The following PRKAG3 variants were observed in gnomAD, a reference collection of about 807,000 sequenced individuals.
PRKAG3 encodes the protein protein kinase AMP-activated non-catalytic subunit gamma 3, also known as 5'-AMP-activated protein kinase subunit gamma-3.
In PRKAG3, 39 loss-of-function variants were observed where a neutral mutation model predicts 56.5. The ratio of observed to expected loss-of-function variants is 0.69; its 90% CI spans 0.53 to 0.90. The LOEUF (loss-of-function observed/expected upper bound fraction) is 0.90. PRKAG3 is among the 40% of genes least tolerant of loss of function. The probability of loss-of-function intolerance (pLI) is 0.00; values close to 1 mark genes in which losing one functional copy is unlikely to be tolerated. For missense variants in PRKAG3, 628 were observed against 627.5 expected, an observed-to-expected ratio of 1.00 and a Z score of -0.01; for synonymous variants, 243 against 250.1, an observed-to-expected ratio of 0.97 and a Z score of 0.27.
chr2:218,822,758 G>A (rs1366041299), downstream of PRKAG3: 19 of 398,258 alleles, frequency 4.8e-5, no homozygotes, highest in Non-Finnish European at 5.8e-5. Context: ...GAGAGTAGGA[G>A]GGCAGTGGCG....
rs914944065 is a variant in PRKAG3, at chr2:218,827,754, A to G, written c.820+79T>C. ...GTCCCTCCCCTGTTCACTCCAGGACATCCCCACTGCCCATCCTCCACCTTA... is the reference window on the plus strand; with the variant it reads ...GTCCCTCCCCTGTTCACTCCAGGACGTCCCCACTGCCCATCCTCCACCTTA... On this transcript the variant is annotated intron_variant, in intron 7 of 12. Transcript: ENST00000529249. This position sits in a 1 kb window ranked among gnomAD's most constrained non-coding sequence, Gnocchi z 5.3. The G allele has an allele frequency of 2.6e-6, 4 of 1,567,840 alleles. No individual in the cohort carries two copies. Among genetic ancestry groups the G allele is most frequent in the South Asian group, 2.2e-5 (2 of 90,002 alleles).
In PRKAG3 at chr2:218,827,533, T is replaced by C; in HGVS notation, c.875+42A>G. ...GCTGAGTGGGACTGGGGAAGGGGAC[T>C]GTGGGAGGAGGAGGCTCAGGTGAAT... On this transcript the variant is annotated intron_variant, in intron 8 of 12. Transcript: ENST00000529249. The surrounding 1 kb of genome is among the most constrained non-coding windows in gnomAD (Gnocchi z 5.3). 6.2e-7 allele frequency: 1 copy of C among 1,606,364 alleles called. No individual in the cohort carries two copies. Among genetic ancestry groups the C allele is most frequent in the African/African-American group, 1.3e-5 (1 of 74,814 alleles).
chr2:218,827,400 G>A lies in PRKAG3; in HGVS notation c.876-27C>T, dbSNP rs200740466. 5.6e-4 allele frequency: 898 copies of A among 1,613,886 alleles called. 5 individuals are homozygous for A. Among genetic ancestry groups the A allele is most frequent in the Admixed American group, 6.0e-4 (36 of 60,008 alleles). ...TGCAGAGATGGGAGCAGTGAGCCTC[G>A]GGGCAGCCTAGGGAGAGACAACCTC... On this transcript the variant is annotated intron_variant, in intron 8 of 12. Transcript: ENST00000529249. The surrounding 1 kb of genome is among the most constrained non-coding windows in gnomAD (Gnocchi z 5.3).
Position 218,830,266 on chromosome 2 carries a change from G to GTCCCACCCTGTTGGTGGAGT in PRKAG3, c.325_344dup (p.Asp115GlufsTer42). 1 of 1,613,864 alleles carries GTCCCACCCTGTTGGTGGAGT rather than the reference G, an allele frequency of 6.2e-7. No individual in the cohort carries two copies. The highest frequency in any genetic ancestry group is 8.5e-7 in the Non-Finnish European group (1 of 1,179,918). On this transcript the variant is annotated frameshift_variant, in exon 4 of 13. Transcript: ENST00000529249. LOFTEE classifies it high-confidence loss of function. ...AGGCTGTACAGTCAGAGGGGAGGCA[G>GTCCCACCCTGTTGGTGGAGT]TCCCACCCTGTTGGTGGAGTGCCCA...
At chr2:218,824,130 G>T in intron 12 of PRKAG3, 92 bp downstream of exon 12, 3 of 1,592,700 alleles carry the variant, frequency 1.9e-6, no homozygotes, top group Non-Finnish European at 2.6e-6. Flanking sequence ...GGAAGGATAG[G>T]CCAGGTGCCC....
exon 3 of PRKAG3, chr2:218,830,883 T>C: frequency 6.2e-7 from 1 of 1,613,860 alleles, no homozygotes; most frequent in Non-Finnish European, 8.5e-7. Context: ...GCTGTTTTCT[T>C]GCTCTAGGAA....
chr2:218,827,898 T>G lies in PRKAG3; in HGVS notation c.775-20A>C, dbSNP rs1288586516. On this transcript the variant is annotated intron_variant, in intron 6 of 12. Coordinates refer to ENST00000529249, the Ensembl canonical transcript of PRKAG3. This position sits in a 1 kb window ranked among gnomAD's most constrained non-coding sequence, Gnocchi z 5.3. Reference sequence around the variant, plus strand: ...CTGGACCTAGAGACATCGACAGGACTCCAGAAGTCAGAAAGACGTGGGCTT... The same window carrying G: ...CTGGACCTAGAGACATCGACAGGACGCCAGAAGTCAGAAAGACGTGGGCTT... 2 of 1,613,888 alleles carry G rather than the reference T, an allele frequency of 1.2e-6. No individual in the cohort carries two copies. The highest frequency in any genetic ancestry group is 1.7e-6 in the Non-Finnish European group (2 of 1,179,878).
At chr2:218,826,087 A>G (rs1350419833) in intron 10 of PRKAG3, among the ~76,000 whole-genome samples, 1 of 152,188 alleles carries the variant, frequency 6.6e-6, no homozygotes, top group Admixed American at 6.5e-5. Flanking sequence ...AGAAGTGCAG[A>G]CTAAAGTGTT....
chr2:218,830,955 A>G lies in PRKAG3; in HGVS notation c.74-54T>C, dbSNP rs1575213640. On this transcript the variant is annotated intron_variant, in intron 2 of 12. Transcript: ENST00000529249. ...AATAGGGAGTAATGCATCAAAATCA[A>G]TTCAAATGTTATTCATAATCTTTAG... 3.2e-6 allele frequency: 5 copies of G among 1,566,390 alleles called. No homozygotes were observed. The East Asian group carries it at 9.0e-5, about 28-fold the overall frequency.
chr2:218,829,664 C>G (rs1475477035), intron 4 of PRKAG3, among the ~76,000 whole-genome samples: 1 of 152,122 alleles, frequency 6.6e-6, no homozygotes, highest in Non-Finnish European at 1.5e-5. Flanking sequence ...ACGCTTTATA[C>G]TGGGTAGTCC....
exon 13 of PRKAG3, chr2:218,823,579 C>T: frequency 7.4e-7 from 1 of 1,342,452 alleles, no homozygotes; most frequent in Non-Finnish European, 1.0e-6. Context: ...CTCAGGGTGT[C>T]CCAATCTGAG....
At chr2:218,828,191 A>G (rs377765427) in intron 5 of PRKAG3, 129 bp from the exon 6 acceptor site, 1 of 936,118 alleles carries the variant, frequency 1.1e-6, no homozygotes, top group East Asian at 2.6e-5. Flanking sequence ...GGAACAGGAC[A>G]GTGGGGCAGC....
chr2:218,829,973 C>T lies in PRKAG3; in HGVS notation c.633+5G>A, dbSNP rs1435503243. 6.2e-7 allele frequency: 1 copy of T among 1,612,734 alleles called. No individual in the cohort carries two copies. Among genetic ancestry groups the T allele is most frequent in the South Asian group, 1.1e-5 (1 of 91,072 alleles). The stretch of plus-strand genomic sequence containing the variant: ...AGTACAGGTTGGGCAGAGCCGTGGC[C>T]TCACCTCCAGCATGGTGTCGAAGAT... On this transcript the variant is annotated splice_donor_5th_base_variant and intron_variant, in intron 4 of 12. Transcript: ENST00000529249.
chr2:218,830,099 C>A (rs764560352), exon 4 of PRKAG3: 17 of 1,612,822 alleles, frequency 1.1e-5, no homozygotes, highest in Middle Eastern at 1.6e-4. Flanking sequence ...GTCATCCCAG[C>A]CCAGCTTGGG....
chr2:218,828,152 C>T (rs925148163), intron 5 of PRKAG3, 90 bp from the exon 6 acceptor site: 1 of 1,238,888 alleles, frequency 8.1e-7, no homozygotes, highest in African/African-American at 1.5e-5. Context: ...CTGCCAGTGT[C>T]CTTGTGCTGA....
At chr2:218,824,099 A>G in intron 12 of PRKAG3, 123 bp downstream of exon 12, 1 of 1,498,958 alleles carries the variant, frequency 6.7e-7, no homozygotes, top group Non-Finnish European at 9.2e-7. Context: ...CAGTGTGGGC[A>G]CCAGGAGTTG....
chr2:218,828,034 C>G, exon 6 of PRKAG3: 3 of 1,566,242 alleles, frequency 1.9e-6, no homozygotes, highest in South Asian at 2.3e-5. Flanking sequence ...GATGCAGCAC[C>G]AGGATGAAGT....
In PRKAG3 at chr2:218,827,499, G is replaced by A; in HGVS notation, c.875+76C>T. On this transcript the variant is annotated intron_variant, in intron 8 of 12. Coordinates refer to ENST00000529249, the Ensembl canonical transcript of PRKAG3. The surrounding 1 kb of genome is among the most constrained non-coding windows in gnomAD (Gnocchi z 5.3). Reference sequence around the variant, plus strand: ...TGTGTGCCGCCTAGGATGAAGAGGTGAGTTCAGAGCTGAGTGGGACTGGGG... The same window carrying A: ...TGTGTGCCGCCTAGGATGAAGAGGTAAGTTCAGAGCTGAGTGGGACTGGGG... 1.9e-6 allele frequency: 3 copies of A among 1,600,558 alleles called. No individual in the cohort carries two copies. The highest frequency in any genetic ancestry group is 2.6e-6 in the Non-Finnish European group (3 of 1,168,034).
At chr2:218,824,406 C>G (rs1943901409) in intron 11 of PRKAG3, 38 bp from the exon 12 acceptor site, 1 of 1,613,898 alleles carries the variant, frequency 6.2e-7, no homozygotes, top group African/African-American at 1.3e-5. Context: ...TAGTCACCCC[C>G]TTGCCTGGGC....
Sources: gnomAD v4.1 joint callset for allele counts (sites outside exome capture counted in the v4.1 genomes callset) on GRCh38, gnomAD v4.1.1 for gene constraint, Gnocchi (gnomAD v3.1) non-coding constraint, MANE v1.5 for transcripts, NCBI Gene and HGNC (gene_info 2026-07-23, HGNC 2026-07-21) for gene names.